PPM1B: variants seen among roughly 807,000 people sequenced by gnomAD.
PPM1B encodes the protein protein phosphatase 1B.
PPM1B carries 22 observed loss-of-function variants against 43.0 expected under a neutral mutation model. That is an observed-to-expected ratio of 0.51 (90% confidence interval 0.37 to 0.73). The LOEUF (loss-of-function observed/expected upper bound fraction) is 0.73. PPM1B is among the 30% of genes least tolerant of loss of function. The probability of loss-of-function intolerance (pLI) is 0.00; values close to 1 mark genes in which losing one functional copy is unlikely to be tolerated. For missense variants in PPM1B, 632 were observed against 584.2 expected (o/e 1.08, Z -0.84); for synonymous variants, 217 against 197.9 (o/e 1.10, Z -0.81).
intron 2 of PPM1B, among the ~76,000 whole-genome samples, chr2:44,208,659 G>A (rs1669307500): frequency 6.6e-6 from 1 of 152,204 alleles, no homozygotes; most frequent in Admixed American, 6.5e-5. Context: ...GTTGCAGTGA[G>A]CCAAGATTGC....
downstream of PPM1B, chr2:44,233,623 G>C: frequency 1.6e-5 from 16 of 985,780 alleles, no homozygotes; most frequent in Non-Finnish European, 1.9e-5. Flanking sequence ...AATTGCCCTT[G>C]TGTGTAGTTA....
intron 1 of PPM1B, among the ~76,000 whole-genome samples, chr2:44,188,272 T>A (rs984140456): frequency 4.6e-5 from 7 of 152,222 alleles, no homozygotes; most frequent in African/African-American, 2.4e-5. Flanking sequence ...GAAGTATCTT[T>A]TTGAATCTGA....
At chr2:44,227,060 A>G (rs1472936887) in intron 5 of PPM1B, among the ~76,000 whole-genome samples, 1 of 151,614 alleles carries the variant, frequency 6.6e-6, no homozygotes, top group Admixed American at 6.6e-5. Context: ...TGTAATCTCA[A>G]CCTCCTGGGC....
chr2:44,207,551 C>G (rs1382329274), intron 2 of PPM1B, among the ~76,000 whole-genome samples: 1 of 151,508 alleles, frequency 6.6e-6, no homozygotes, highest in Non-Finnish European at 1.5e-5. Flanking sequence ...CACATAATCT[C>G]ATGGTACTAG....
chr2:44,230,813 T>C lies in PPM1B; in HGVS notation c.*95T>C. On this transcript the variant is annotated 3_prime_UTR_variant, in exon 6 of 6. Transcript: ENST00000282412. ...ATATAACTGTTTTGTTATTTGAATC[T>C]TGGAAAACTAGTTTTATTATATTCA... 4 of 1,488,988 alleles carry C rather than the reference T, an allele frequency of 2.7e-6. No individual in the cohort carries two copies. Among genetic ancestry groups the C allele is most frequent in the Non-Finnish European group, 3.6e-6 (4 of 1,119,218 alleles). The allele number at this position is 1,488,988 out of a possible 1,614,324, so 92.2% of individuals were successfully genotyped here. A position where few individuals can be genotyped will look rare whatever the true frequency, so the allele number is the denominator to read the frequency against.
intron 3 of PPM1B, among the ~76,000 whole-genome samples, chr2:44,216,129 C>G (rs887080971): frequency 1.3e-5 from 2 of 152,160 alleles, no homozygotes; most frequent in African/African-American, 4.8e-5. Flanking sequence ...CAAAGGATCT[C>G]TCTTAGTTGC....
In PPM1B at chr2:44,209,334, C is replaced by T. The variant is rs374385481; in HGVS notation, c.964+7C>T. ...TTGGAATCACGGGTTGAAGGTAAGA[C>T]AAATGCTTTTTAAAAATATAGACAG... On this transcript the variant is annotated splice_region_variant and intron_variant, in intron 3 of 5. Transcript: ENST00000282412. 1 of 1,612,816 alleles carries T rather than the reference C, an allele frequency of 6.2e-7. No individual in the cohort carries two copies. The highest frequency in any genetic ancestry group is 1.3e-5 in the African/African-American group (1 of 74,628).
intron 3 of PPM1B, 57 bp downstream of exon 3, chr2:44,209,384 T>C: frequency 6.4e-7 from 1 of 1,573,322 alleles, no homozygotes; most frequent in Non-Finnish European, 8.6e-7. Flanking sequence ...CTCATGCCTG[T>C]AATCCTAGCA....
chr2:44,223,081 C>T (rs1246349613), intron 5 of PPM1B, among the ~76,000 whole-genome samples: 1 of 152,180 alleles, frequency 6.6e-6, no homozygotes, highest in East Asian at 1.9e-4. Flanking sequence ...ATCTTCCTAC[C>T]TCAGCCTCCC....
chr2:44,188,756 T>C (rs1184085871), intron 1 of PPM1B, among the ~76,000 whole-genome samples: 9 of 148,330 alleles, frequency 6.1e-5, no homozygotes, highest in African/African-American at 2.0e-4. Flanking sequence ...CCTTCCTTCC[T>C]TCCTTCTTTC....
intron 5 of PPM1B, among the ~76,000 whole-genome samples, chr2:44,228,731 C>T (rs1046763862): frequency 6.6e-6 from 1 of 152,122 alleles, no homozygotes; most frequent in African/African-American, 2.4e-5. Context: ...TGTATATTGT[C>T]TCTCTAGATT....
chr2:44,244,251 C>T (rs537666754), exon 6 of PPM1B: 3 of 1,351,868 alleles, frequency 2.2e-6, no homozygotes, highest in East Asian at 9.2e-5. Context: ...GCACGTCCAT[C>T]TGTAAACCTG....
At chr2:44,183,832 G>A (rs902775438) in intron 1 of PPM1B, among the ~76,000 whole-genome samples, 6 of 151,996 alleles carry the variant, frequency 3.9e-5, no homozygotes, top group Non-Finnish European at 8.8e-5. Flanking sequence ...TCCGCCTTCC[G>A]GGTTCACACC....
chr2:44,202,333 A>G (rs992545431), intron 2 of PPM1B, among the ~76,000 whole-genome samples: 4 of 152,188 alleles, frequency 2.6e-5, no homozygotes, highest in Non-Finnish European at 5.9e-5. Flanking sequence ...TTTTCTTGAC[A>G]TTGGCAGTAA....
intron 5 of PPM1B, among the ~76,000 whole-genome samples, chr2:44,228,812 T>C (rs1164058996): frequency 6.6e-6 from 1 of 150,936 alleles, no homozygotes; most frequent in Non-Finnish European, 1.5e-5. Flanking sequence ...TTTCTTTCTT[T>C]GACTGAACCC....
At chr2:44,224,248 G>A (rs1175502927) in intron 5 of PPM1B, among the ~76,000 whole-genome samples, 1 of 152,122 alleles carries the variant, frequency 6.6e-6, no homozygotes, top group Non-Finnish European at 1.5e-5. Flanking sequence ...AAGGTCAGGA[G>A]ATTGAGACCA....
rs1670438944 is a variant in PPM1B at position 44,230,800 on chromosome 2, T to C, written c.*82T>C. 3 of 1,508,370 alleles carry C rather than the reference T, an allele frequency of 2.0e-6. No individual in the cohort carries two copies. In the South Asian group the frequency reaches 4.1e-5, roughly 21 times the overall value. The allele number at this position is 1,508,370 out of a possible 1,614,324, so 93.4% of individuals were successfully genotyped here. A position where few individuals can be genotyped will look rare whatever the true frequency, so the allele number is the denominator to read the frequency against. Reference sequence around the variant, plus strand: ...AATGTATGCATTTATATAACTGTTTTGTTATTTGAATCTTGGAAAACTAGT... The same window carrying C: ...AATGTATGCATTTATATAACTGTTTCGTTATTTGAATCTTGGAAAACTAGT... On this transcript the variant is annotated 3_prime_UTR_variant, in exon 6 of 6. Coordinates refer to ENST00000282412, the MANE Select transcript of PPM1B (RefSeq NM_002706.6).
downstream of PPM1B, chr2:44,232,286 A>G: frequency 1.9e-6 from 3 of 1,600,536 alleles, no homozygotes; most frequent in Non-Finnish European, 2.6e-6. Context: ...ATAGGTAAAT[A>G]ATAATATTCT....
chr2:44,172,486 A>G (rs1222759038), intron 1 of PPM1B, among the ~76,000 whole-genome samples: 1 of 152,258 alleles, frequency 6.6e-6, no homozygotes, highest in Non-Finnish European at 1.5e-5. Flanking sequence ...GAACAGGTGA[A>G]GAAAAAGGTA....
Sources: allele counts gnomAD v4.1 joint callset (sites outside exome capture counted in the v4.1 genomes callset), GRCh38; gene constraint gnomAD v4.1.1; transcripts MANE v1.5; gene names NCBI Gene and HGNC (gene_info 2026-07-23, HGNC 2026-07-21).